CD8B2: variants seen among roughly 807,000 people sequenced by gnomAD.
CD8B2 encodes CD8B family member 2, also known as T-cell surface glycoprotein CD8 beta-2 chain.
Under a neutral mutation model 23.7 loss-of-function variants are expected in CD8B2, and 11 were observed. That is an observed-to-expected ratio of 0.46 (90% confidence interval 0.29 to 0.77). The LOEUF (loss-of-function observed/expected upper bound fraction) is 0.77. CD8B2 is among the 30% of genes least tolerant of loss of function. The probability of loss-of-function intolerance (pLI) is 0.09; values close to 1 mark genes in which losing one functional copy is unlikely to be tolerated. For missense variants in CD8B2, 197 were observed against 270.5 expected, an observed-to-expected ratio of 0.73 and a Z score of 1.91; for synonymous variants, 90 against 109.3, an observed-to-expected ratio of 0.82 and a Z score of 1.10.
At chr2:106,528,857 C>T (rs184063714) in intron 5 of CD8B2, among the ~76,000 whole-genome samples, 15 of 152,248 alleles carry the variant, frequency 9.9e-5, no homozygotes, top group Non-Finnish European at 2.1e-4. Flanking sequence ...GACTTTGGTT[C>T]GGAAATGGAC....
chr2:106,533,605 T>G lies in CD8B2; in HGVS notation c.621-10387T>G, dbSNP rs558171037. On this transcript the variant is annotated intron_variant, in intron 5 of 5. Coordinates refer to the CD8B2 transcript ENST00000416057. ...GCACAGCTAAAACAAGGATCTCAGCTCAGCTTGGCCTGGAGAAGCAAGGAA... is the reference window on the plus strand; with the variant it reads ...GCACAGCTAAAACAAGGATCTCAGCGCAGCTTGGCCTGGAGAAGCAAGGAA... 1.4e-4 allele frequency among the ~76,000 whole-genome samples: 22 copies of G among 152,230 alleles called. 1 individual carries two copies. Among genetic ancestry groups the G allele is most frequent in the Admixed American group, 1.2e-3 (19 of 15,290 alleles).
intron 4 of CD8B2, among the ~76,000 whole-genome samples, chr2:106,503,712 T>G (rs57357796): frequency 6.9e-4 from 1 of 1,448 alleles, no homozygotes; most frequent in Non-Finnish European, 3.4e-3. Flanking sequence ...GGAGGGAGGA[T>G]CACTTGAGCC....
At chr2:106,517,056 A>ATAT (rs1679740573) in intron 5 of CD8B2, among the ~76,000 whole-genome samples, 1 of 149,292 alleles carries the variant, frequency 6.7e-6, no homozygotes, top group Admixed American at 6.7e-5. Flanking sequence ...ATATTTCATT[A>ATAT]TATTATCGAT....
rs917497644 is a variant in CD8B2, at chr2:106,508,273, A to G, written c.*1333A>G. The G allele has an allele frequency of 6.6e-6, 1 of 152,226 alleles. No individual in the cohort carries two copies. The highest frequency in any genetic ancestry group is 2.4e-5 in the African/African-American group (1 of 41,448). The allele number at this position is 152,226 out of a possible 1,614,324, so 9.4% of individuals were successfully genotyped here. ...CCTGCTTCTCCTGGCCAGCTCAAGG[A>G]AGGACATTGACAAATCAGGTTATGT... On this transcript the variant is annotated 3_prime_UTR_variant, in exon 6 of 6. Coordinates refer to ENST00000643224, the MANE Select transcript of CD8B2 (RefSeq NM_001349727.2).
intron 5 of CD8B2, among the ~76,000 whole-genome samples, chr2:106,518,041 A>T (rs1679763202): frequency 6.6e-6 from 1 of 152,128 alleles, no homozygotes; most frequent in African/African-American, 2.4e-5. Flanking sequence ...AGGAGCTTGC[A>T]ACACTGTAAC....
intron 5 of CD8B2, among the ~76,000 whole-genome samples, chr2:106,521,351 G>T (rs1416174937): frequency 2.0e-5 from 3 of 152,192 alleles, no homozygotes; most frequent in Admixed American, 1.3e-4. Context: ...GTCTCAGGTA[G>T]CCTTTTCCTA....
intron 5 of CD8B2, among the ~76,000 whole-genome samples, chr2:106,529,920 A>G (rs1679968400): frequency 6.6e-6 from 1 of 152,232 alleles, no homozygotes. Context: ...TGTAGCAGTC[A>G]AAGTTAGTGA....
intron 5 of CD8B2, among the ~76,000 whole-genome samples, chr2:106,525,488 A>G (rs1679893792): frequency 6.6e-6 from 1 of 152,210 alleles, no homozygotes; most frequent in African/African-American, 2.4e-5. Context: ...GAAATTGATC[A>G]TTTTAAGCAT....
intron 5 of CD8B2, among the ~76,000 whole-genome samples, chr2:106,528,416 T>C (rs1679945774): frequency 6.6e-6 from 1 of 152,218 alleles, no homozygotes; most frequent in African/African-American, 2.4e-5. Flanking sequence ...TAGTTCTATA[T>C]CTACTTGGAG....
chr2:106,504,272 T>G lies in CD8B2; in HGVS notation c.584-17T>G. Reference sequence around the variant, plus strand: ...CCACAGCCCACACTGACTGGCGCCCTTGCTTTCCTCTTCCAGGCCGGCGGA... The same window carrying G: ...CCACAGCCCACACTGACTGGCGCCCGTGCTTTCCTCTTCCAGGCCGGCGGA... On this transcript the variant is annotated splice_polypyrimidine_tract_variant and intron_variant, in intron 4 of 5. Transcript: ENST00000643224. 2 of 1,556,254 alleles carry G rather than the reference T, an allele frequency of 1.3e-6. No individual in the cohort carries two copies. Among genetic ancestry groups the G allele is most frequent in the South Asian group, 2.4e-5 (2 of 84,290 alleles).
intron 3 of CD8B2, among the ~76,000 whole-genome samples, chr2:106,501,775 A>G (rs1370516567): frequency 6.6e-6 from 1 of 152,206 alleles, no homozygotes; most frequent in African/African-American, 2.4e-5. Context: ...ATCAATGGTG[A>G]TTAATTCTGT....
intron 5 of CD8B2, among the ~76,000 whole-genome samples, chr2:106,537,724 T>C (rs1381278647): frequency 6.6e-6 from 1 of 152,220 alleles, no homozygotes; most frequent in Non-Finnish European, 1.5e-5. Flanking sequence ...GGTCGATTTC[T>C]AAAAGCCCTT....
chr2:106,541,612 T>G (rs1289253559), intron 5 of CD8B2, among the ~76,000 whole-genome samples: 1 of 152,186 alleles, frequency 6.6e-6, no homozygotes, highest in Non-Finnish European at 1.5e-5. Flanking sequence ...AGATGCGACC[T>G]GTTAGTGGAT....
intron 1 of CD8B2, 25 bp downstream of exon 1, chr2:106,487,494 C>T: frequency 2.5e-6 from 3 of 1,222,518 alleles, no homozygotes; most frequent in Non-Finnish European, 3.1e-6. Flanking sequence ...CGCGGGCTGC[C>T]CAAGGTCTGC....
intron 3 of CD8B2, among the ~76,000 whole-genome samples, chr2:106,497,513 T>A (rs1679322119): frequency 6.6e-6 from 1 of 152,084 alleles, no homozygotes; most frequent in Admixed American, 6.6e-5. Flanking sequence ...CCAGCAAAAG[T>A]CACTGGTGAC....
chr2:106,498,063 C>T (rs1322836282), intron 3 of CD8B2, among the ~76,000 whole-genome samples: 1 of 152,182 alleles, frequency 6.6e-6, no homozygotes, highest in Non-Finnish European at 1.5e-5. Context: ...GTAAGGACAG[C>T]TGAATGACGG....
rs1679528510 is a variant in CD8B2 at position 106,507,284 on chromosome 2, C to A, written c.*344C>A. 1.0e-5 allele frequency: 11 copies of A among 1,100,268 alleles called. 1 individual carries two copies. The South Asian group carries it at 4.0e-4, about 40-fold the overall frequency. The allele number at this position is 1,100,268 out of a possible 1,614,324, so 68.2% of individuals were successfully genotyped here. A position where few individuals can be genotyped will look rare whatever the true frequency, so the allele number is the denominator to read the frequency against. On this transcript the variant is annotated 3_prime_UTR_variant, in exon 6 of 6. Coordinates refer to ENST00000643224, the MANE Select transcript of CD8B2 (RefSeq NM_001349727.2). ...GGTGGCCGTTTAGCCACCATCTTTGCAAGTTGCTTTGCCCTGGTAGGGCAG... is the reference window on the plus strand; with the variant it reads ...GGTGGCCGTTTAGCCACCATCTTTGAAAGTTGCTTTGCCCTGGTAGGGCAG...
downstream of CD8B2, among the ~76,000 whole-genome samples, chr2:106,512,138 C>A (rs1679643988): frequency 1.3e-5 from 2 of 152,198 alleles, no homozygotes; most frequent in South Asian, 4.1e-4. Flanking sequence ...TGCAGTGGCG[C>A]ACTTATGGCT....
At chr2:106,522,364 A>T (rs1252762157) in intron 5 of CD8B2, among the ~76,000 whole-genome samples, 1 of 152,306 alleles carries the variant, frequency 6.6e-6, no homozygotes, top group African/African-American at 2.4e-5. Flanking sequence ...AAATTCCCCA[A>T]ACATAGAGAT....
Sources: allele counts gnomAD v4.1 joint callset (sites outside exome capture counted in the v4.1 genomes callset), GRCh38; gene constraint gnomAD v4.1.1; transcripts MANE v1.5; gene names NCBI Gene and HGNC (gene_info 2026-07-23, HGNC 2026-07-21).